The following SGSH variants were observed in gnomAD, a reference collection of about 807,000 sequenced individuals.
SGSH encodes N-sulfoglucosamine sulfohydrolase.
In SGSH, 48 loss-of-function variants were observed where a neutral mutation model predicts 51.0. The observed-to-expected ratio is 0.94, with a 90% CI of 0.75 to 1.20. SGSH has a LOEUF of 1.20. Among genes scored for constraint, SGSH ranks in the 50% most tolerant of loss-of-function variants. The pLI is 0.00. For synonymous variants in SGSH, 321 were observed against 313.4 expected, an observed-to-expected ratio of 1.02 and a Z score of -0.26; for missense variants, 662 against 717.8, an observed-to-expected ratio of 0.92 and a Z score of 0.89.
chr17:80,204,826 A>G (rs1201365264), downstream of SGSH: 2 of 520,170 alleles, frequency 3.8e-6, no homozygotes, highest in Non-Finnish European at 6.8e-6. Context: ...GGAGAGCCAC[A>G]GAGCTGTGTA....
Position 80,210,203 on chromosome 17 carries a change from C to G in SGSH, c.*249G>C, listed in dbSNP as rs1789072042. 2 of 1,408,880 alleles carry G rather than the reference C, an allele frequency of 1.4e-6. No individual in the cohort carries two copies. The highest frequency in any genetic ancestry group is 2.9e-5 in the African/African-American group (2 of 69,296). The allele number at this position is 1,408,880 out of a possible 1,614,324, so 87.3% of individuals were successfully genotyped here. The stretch of plus-strand genomic sequence containing the variant: ...CTGGGACATGGTTCAGACACAAGGA[C>G]AACTGTGTCCCCTGCCATGACGGCA... On this transcript the variant is annotated 3_prime_UTR_variant, in exon 8 of 8. Coordinates refer to ENST00000326317, the MANE Select transcript of SGSH (RefSeq NM_000199.5).
At chr17:80,218,989 G>A (rs1057347361) in intron 1 of SGSH, among the ~76,000 whole-genome samples, 2 of 151,752 alleles carry the variant, frequency 1.3e-5, no homozygotes, top group African/African-American at 4.8e-5. Context: ...GTGAGACCTT[G>A]TCTCTACAAA....
chr17:80,216,120 G>C (rs1241991077), intron 2 of SGSH, among the ~76,000 whole-genome samples: 1 of 152,112 alleles, frequency 6.6e-6, no homozygotes, highest in African/African-American at 2.4e-5. Context: ...CTTGAGGCCA[G>C]GAGTTCGAAA....
chr17:80,205,647 GA>G, downstream of SGSH: 1 of 1,202,726 alleles, frequency 8.3e-7, no homozygotes, highest in Admixed American at 2.2e-5. Context: ...GTCCCTCATG[GA>G]AAAGGTGAGG....
Position 80,210,831 on chromosome 17 carries a change from C to G in SGSH, c.1130G>C (p.Arg377Pro), listed in dbSNP as rs746037899. The G allele has an allele frequency of 5.6e-6, 9 of 1,613,840 alleles. No homozygotes were observed. The highest frequency in any genetic ancestry group is 7.6e-6 in the Non-Finnish European group (9 of 1,180,026). Residue 377 changes from arginine to proline, a missense_variant, in exon 8 of 8, where the codon CGC becomes CCC. By Grantham distance (103) the Arg-to-Pro change is moderately radical. Transcript: ENST00000326317. ...HHEVTMSYPM[R>P]SVQHRHFRLV... ...GCGGAAGTGCCGGTGCTGCACGGAG[C>G]GCATGGGGTAGGACATGGTGACCTC...
chr17:80,217,382 C>A (rs72853668), intron 1 of SGSH, among the ~76,000 whole-genome samples, 190 bp from the exon 2 acceptor site: 122 of 152,282 alleles, frequency 8.0e-4, no homozygotes, highest in Non-Finnish European at 1.2e-3. Flanking sequence ...AGGCATGACA[C>A]CCGAGTGGGT....
rs760006618 is a variant in SGSH, at chr17:80,217,092, G to C, written c.189C>G (p.Ala63=). The change falls in exon 2 of 8, where the codon GCC becomes GCG. Residue 63 remains alanine (A), a synonymous_variant. Transcript: ENST00000326317. ...GAGAGCAGCTGCTGACCGAGGTGAA[G>C]GCATTGCGAAAGAGGAGGCTGCGGC... is the stretch of plus-strand genomic sequence containing the variant. ...LARRSLLFRN[A]FTSVSSCSPS... is the part of the protein sequence containing the mutation. 3.1e-6 allele frequency: 5 copies of C among 1,603,680 alleles called. No individual in the cohort carries two copies. The African/African-American group carries it at 6.7e-5, about 21-fold the overall frequency.
At chr17:80,208,777 G>A (rs561402833), downstream of SGSH, 28 of 155,972 alleles carry the variant, frequency 1.8e-4, no homozygotes, top group East Asian at 5.2e-3. Flanking sequence ...CAAAAGCACA[G>A]AGGCAGCGGG....
At position 80,220,286 on chromosome 17, in the gene SGSH, C is replaced by A; in HGVS notation, c.28G>T (p.Ala10Ser). 2 of 1,518,916 alleles carry A rather than the reference C, an allele frequency of 1.3e-6. No individual in the cohort carries two copies. The highest frequency in any genetic ancestry group is 1.8e-6 in the Non-Finnish European group (2 of 1,140,226). 94.1% of individuals were successfully genotyped at this position (1,518,916 alleles called of 1,614,324 possible). A position where few individuals can be genotyped will look rare whatever the true frequency, so the allele number is the denominator to read the frequency against. MSCPVPACC[A>S]LLLVLGLCRA... ...CAGAGCCCCAGGACTAGCAGCAGCG[C>A]GCAGCAGGCGGGCACGGGGCAGCTC... Residue 10 changes from alanine (A) to serine (S), a missense_variant, in exon 1 of 8, where the codon GCG (alanine) becomes TCG (serine). Transcript: ENST00000326317.
intron 4 of SGSH, 128 bp downstream of exon 4, chr17:80,214,487 G>A (rs1013545405): frequency 2.2e-5 from 28 of 1,289,710 alleles, no homozygotes; most frequent in African/African-American, 1.8e-4. Flanking sequence ...AGGCTAACTC[G>A]AGTACCTGGA....
chr17:80,203,941 G>A (rs561466763), downstream of SGSH: 26 of 1,401,242 alleles, frequency 1.9e-5, no homozygotes, highest in Admixed American at 4.3e-5. The surrounding 1 kb of genome is among the most constrained non-coding windows in gnomAD (Gnocchi z 4.6). Flanking sequence ...AGAGGGGCTC[G>A]GTGCTGGCAG....
In SGSH at chr17:80,210,658, G is replaced by A. The variant is rs373496399; in HGVS notation, c.1303C>T (p.Arg435Cys). The A allele has an allele frequency of 3.6e-5, 58 of 1,613,804 alleles. No individual in the cohort carries two copies. The highest frequency in any genetic ancestry group is 4.4e-5 in the Non-Finnish European group (52 of 1,179,946). Residue 435 changes from arginine (R) to cysteine (C), a missense_variant, in exon 8 of 8, where the codon CGC (arginine) becomes TGC (cysteine). Physicochemically the swap from Arg to Cys is radical, Grantham distance 180. Transcript: ENST00000326317. ...KDLRHYYYRA[R>C]WELYDRSRDP... is the part of the protein sequence containing the mutation. The stretch of plus-strand genomic sequence containing the variant: ...CGGCTCCGGTCGTAGAGCTCCCAGC[G>A]CGCCCGGTAGTAGTAATGACGGAGG...
chr17:80,208,159 C>A, downstream of SGSH: 1 of 1,544,862 alleles, frequency 6.5e-7, no homozygotes, highest in Non-Finnish European at 8.7e-7. Flanking sequence ...AGCGGTTGGG[C>A]ACCTCAGAGG....
downstream of SGSH, chr17:80,202,524 C>A: frequency 6.6e-7 from 1 of 1,508,218 alleles, no homozygotes; most frequent in Non-Finnish European, 8.9e-7. Context: ...AGAGGGTGGG[C>A]GTGGTGAGAC....
At chr17:80,202,201 A>T (rs1031489302), downstream of SGSH, 1 of 1,613,746 alleles carries the variant, frequency 6.2e-7, no homozygotes, top group Non-Finnish European at 8.5e-7. Flanking sequence ...CTACTCCAGG[A>T]CCTGGAGGCC....
chr17:80,206,145 C>T (rs527601968), downstream of SGSH, among the ~76,000 whole-genome samples: 3 of 152,322 alleles, frequency 2.0e-5, no homozygotes, highest in South Asian at 4.1e-4. Flanking sequence ...ACTCTTAATA[C>T]TGCATAGCAC....
rs1262969566 is a variant in SGSH, at chr17:80,220,239, T to C, written c.75A>G (p.Ala25=). 1 of 1,522,574 alleles carries C rather than the reference T, an allele frequency of 6.6e-7. No homozygotes were observed. The highest frequency in any genetic ancestry group is 8.8e-7 in the Non-Finnish European group (1 of 1,141,570). The allele number at this position is 1,522,574 out of a possible 1,614,324, so 94.3% of individuals were successfully genotyped here. The change falls in exon 1 of 8, where the codon GCA becomes GCG. Residue 25 remains alanine, a synonymous_variant. Coordinates refer to ENST00000326317, the MANE Select transcript of SGSH (RefSeq NM_000199.5). ...GCCGGCACTCACCGAGGAGCAGCAG[T>C]GCGTTCCGGGGACGCGCCCGGCAGA... ...LGLCRARPRN[A]LLLLADDGGF...
chr17:80,209,591 G>A lies in SGSH; in HGVS notation c.*861C>T, dbSNP rs1335128827. 2 of 932,862 alleles carry A rather than the reference G, an allele frequency of 2.1e-6. No individual in the cohort carries two copies. Among genetic ancestry groups the A allele is most frequent in the East Asian group, 2.3e-4 (2 of 8,594 alleles). The allele number at this position is 932,862 out of a possible 1,614,324, so 57.8% of individuals were successfully genotyped here. A position where few individuals can be genotyped will look rare whatever the true frequency, so the allele number is the denominator to read the frequency against. ...ACCCAGCAACGCCAGTGTCACCGAA[G>A]AATTAACCCAAGGCAGAGGATGGGC... is the stretch of plus-strand genomic sequence containing the variant. On this transcript the variant is annotated 3_prime_UTR_variant, in exon 8 of 8. Coordinates refer to ENST00000326317, the MANE Select transcript of SGSH (RefSeq NM_000199.5).
chr17:80,210,822 T>C lies in SGSH; in HGVS notation c.1139A>G (p.Gln380Arg), dbSNP rs144143780. 8.6e-5 allele frequency: 139 copies of C among 1,613,922 alleles called. No individual in the cohort carries two copies. The highest frequency in any genetic ancestry group is 1.1e-4 in the Non-Finnish European group (128 of 1,180,040). The change falls in exon 8 of 8, where the codon CAG (glutamine) becomes CGG (arginine). Residue 380 changes from glutamine to arginine, a missense_variant. Coordinates refer to ENST00000326317, the MANE Select transcript of SGSH (RefSeq NM_000199.5). ...VTMSYPMRSV[Q>R]HRHFRLVHNL... ...GTGCACGAGGCGGAAGTGCCGGTGC[T>C]GCACGGAGCGCATGGGGTAGGACAT...
Sources: allele counts gnomAD v4.1 joint callset (sites outside exome capture counted in the v4.1 genomes callset), GRCh38; gene constraint gnomAD v4.1.1; non-coding constraint Gnocchi (gnomAD v3.1); transcripts MANE v1.5; gene names NCBI Gene and HGNC (gene_info 2026-07-23, HGNC 2026-07-21).